The following ACOT7 variants were observed in gnomAD, a reference collection of about 807,000 sequenced individuals.
ACOT7 encodes acyl-CoA thioesterase 7.
A neutral mutation model predicts 40.2 loss-of-function variants in ACOT7; 12 were observed. The ratio of observed to expected loss-of-function variants is 0.30; its 90% CI spans 0.19 to 0.48. ACOT7 has a LOEUF of 0.48. ACOT7 is among the 20% of genes least tolerant of loss of function. The pLI, the probability that ACOT7 is intolerant of heterozygous loss-of-function variation, is 0.99. For missense variants in ACOT7, 395 were observed against 530.8 expected (o/e 0.74, Z 2.51); for synonymous variants, 228 against 219.5 (o/e 1.04, Z -0.34).
intron 8 of ACOT7, 43 bp downstream of exon 8, chr1:6,281,058 CT>C: frequency 1.9e-6 from 3 of 1,592,560 alleles, no homozygotes; most frequent in Non-Finnish European, 2.6e-6. Context: ...GACCCTAGGG[CT>C]GCCTGGCAGG....
intron 1 of ACOT7, among the ~76,000 whole-genome samples, chr1:6,374,226 C>T (rs547599849): frequency 6.9e-4 from 105 of 152,288 alleles, no homozygotes; most frequent in African/African-American, 2.3e-3. Context: ...CAAACAGAGG[C>T]GGGAGGGAGG....
intron 3 of ACOT7, 75 bp downstream of exon 3, chr1:6,339,358 C>T: frequency 6.2e-7 from 1 of 1,601,094 alleles, no homozygotes; most frequent in South Asian, 1.1e-5. Flanking sequence ...GGAGCGTCCT[C>T]TGCCCTCAGG....
At chr1:6,334,022 G>A (rs1009166331) in intron 3 of ACOT7, among the ~76,000 whole-genome samples, 3 of 152,198 alleles carry the variant, frequency 2.0e-5, no homozygotes, top group African/African-American at 7.2e-5. Flanking sequence ...CACCCTGGAG[G>A]GCACCAACTG....
chr1:6,336,451 G>A (rs1641105298), intron 3 of ACOT7, among the ~76,000 whole-genome samples: 1 of 151,786 alleles, frequency 6.6e-6, no homozygotes, highest in Non-Finnish European at 1.5e-5. Flanking sequence ...AGTTGCTGGA[G>A]ATAAATGAGC....
At chr1:6,383,543 T>A (rs1642387794) in intron 1 of ACOT7, among the ~76,000 whole-genome samples, 1 of 145,884 alleles carries the variant, frequency 6.9e-6, no homozygotes, top group Non-Finnish European at 1.5e-5. Flanking sequence ...AACACAGTTT[T>A]TTTTTTTTTG....
intron 6 of ACOT7, among the ~76,000 whole-genome samples, chr1:6,313,476 C>T (rs192906252): frequency 5.4e-4 from 83 of 152,320 alleles, no homozygotes; most frequent in South Asian, 1.4e-3. Flanking sequence ...TTTTCAGACG[C>T]GCAAAGCTTG....
intron 2 of ACOT7, among the ~76,000 whole-genome samples, chr1:6,348,416 C>T (rs1170392173): frequency 6.6e-6 from 1 of 152,178 alleles, no homozygotes; most frequent in South Asian, 2.1e-4. Context: ...AGGCTGAATG[C>T]ATGTGCCATG....
rs564679471 is a variant in ACOT7 at position 6,301,301 on chromosome 1, G to C, written c.713-6321C>G. Among the ~76,000 whole-genome samples, 1 of 152,202 alleles carries C rather than the reference G, an allele frequency of 6.6e-6. No homozygotes were observed. The highest frequency in any genetic ancestry group is 1.5e-5 in the Non-Finnish European group (1 of 68,042). On this transcript the variant is annotated intron_variant, in intron 6 of 8. Transcript: ENST00000361521. This position sits in a 1 kb window ranked among gnomAD's most constrained non-coding sequence, Gnocchi z 4.1. ...GAGTTGTAATCAGCTCCTTCAAACC[G>C]GGGTTTGCCCCATTTATCCAAAAGG... is the stretch of plus-strand genomic sequence containing the variant.
chr1:6,268,673 C>T (rs56719725), intron 8 of ACOT7, among the ~76,000 whole-genome samples: 6,879 of 152,302 alleles, frequency 0.045, 538 homozygotes, highest in African/African-American at 0.16. Context: ...GCCCCACGCA[C>T]GCGGCACGGC....
chr1:6,357,528 G>A lies in ACOT7; in HGVS notation c.144-7662C>T, dbSNP rs373570028. Among the ~76,000 whole-genome samples, 4 of 152,368 alleles carry A rather than the reference G, an allele frequency of 2.6e-5. No homozygotes were observed. In the East Asian group the frequency reaches 5.8e-4, roughly 22 times the overall value. Reference sequence around the variant, plus strand: ...CTGGAAAGCTGGGTGGGACAGAGGTGTCTGGGCAGACTGTCCCCAGTCATA... The same window carrying A: ...CTGGAAAGCTGGGTGGGACAGAGGTATCTGGGCAGACTGTCCCCAGTCATA... On this transcript the variant is annotated intron_variant, in intron 1 of 8. Coordinates refer to ENST00000361521, the MANE Select transcript of ACOT7 (RefSeq NM_007274.4).
chr1:6,377,638 G>A (rs1166285742), intron 1 of ACOT7, among the ~76,000 whole-genome samples: 1 of 152,158 alleles, frequency 6.6e-6, no homozygotes, highest in Non-Finnish European at 1.5e-5. Flanking sequence ...AATCATGCAG[G>A]ATGTAGTTTC....
intron 6 of ACOT7, 103 bp downstream of exon 6, chr1:6,318,389 C>A: frequency 1.5e-6 from 2 of 1,306,794 alleles, no homozygotes; most frequent in Non-Finnish European, 2.2e-6. Context: ...TGTACTTCAC[C>A]AAACACAAGA....
chr1:6,280,773 G>A lies in ACOT7; in HGVS notation c.1014+329C>T, dbSNP rs565953994. On this transcript the variant is annotated intron_variant, in intron 8 of 8. Coordinates refer to ENST00000361521, the MANE Select transcript of ACOT7 (RefSeq NM_007274.4). ...ACACCAAGGCGCCACACTCAGAGGC[G>A]ACCTGGACGCCCAGGCAGCAGCCAT... Among the ~76,000 whole-genome samples, 150 of 152,294 alleles carry A rather than the reference G, an allele frequency of 9.8e-4. 2 individuals are homozygous for A. The highest frequency in any genetic ancestry group is 7.8e-3 in the Admixed American group (120 of 15,298).
chr1:6,318,684 C>T (rs1640561645), intron 5 of ACOT7, 106 bp from the exon 6 acceptor site: 14 of 1,091,878 alleles, frequency 1.3e-5, no homozygotes, highest in Admixed American at 2.0e-5. Flanking sequence ...TCAACGAAGG[C>T]GTCCAAAGCC....
intron 8 of ACOT7, among the ~76,000 whole-genome samples, chr1:6,280,685 G>C (rs995918082): frequency 6.6e-6 from 1 of 152,202 alleles, no homozygotes; most frequent in Admixed American, 6.5e-5. Context: ...CCCTTCAGCA[G>C]AGGATGGGGG....
At chr1:6,329,230 G>A (rs954634401) in intron 4 of ACOT7, among the ~76,000 whole-genome samples, 3 of 152,230 alleles carry the variant, frequency 2.0e-5, no homozygotes, top group African/African-American at 2.4e-5. Flanking sequence ...GTTCCTCGGC[G>A]TAACTACCCA....
intron 8 of ACOT7, among the ~76,000 whole-genome samples, chr1:6,276,393 C>G (rs1297260783): frequency 6.6e-6 from 1 of 152,154 alleles, no homozygotes; most frequent in Non-Finnish European, 1.5e-5. Flanking sequence ...AGGCCTGCCT[C>G]TACGCGCTGA....
chr1:6,321,676 G>A (rs796338466), intron 5 of ACOT7, among the ~76,000 whole-genome samples: 4 of 152,284 alleles, frequency 2.6e-5, no homozygotes, highest in African/African-American at 7.2e-5. Context: ...CACTGCGCCC[G>A]GCTAATTTTT....
chr1:6,372,121 C>T (rs1642144130), intron 1 of ACOT7, among the ~76,000 whole-genome samples: 1 of 152,120 alleles, frequency 6.6e-6, no homozygotes, highest in Non-Finnish European at 1.5e-5. Context: ...TAACCTGCTG[C>T]AGCTTCTCCA....
Sources: allele counts gnomAD v4.1 joint callset (sites outside exome capture counted in the v4.1 genomes callset), GRCh38; gene constraint gnomAD v4.1.1; non-coding constraint Gnocchi (gnomAD v3.1); transcripts MANE v1.5; gene names NCBI Gene and HGNC (gene_info 2026-07-23, HGNC 2026-07-21).